The following PLCE1 variants were observed in gnomAD, a reference collection of about 807,000 sequenced individuals.
The protein encoded by PLCE1 is 1-phosphatidylinositol 4,5-bisphosphate phosphodiesterase epsilon-1.
In PLCE1, 119 loss-of-function variants were observed where a neutral mutation model predicts 242.8. The ratio of observed to expected loss-of-function variants is 0.49; its 90% CI spans 0.42 to 0.57. The LOEUF (loss-of-function observed/expected upper bound fraction) is 0.57, where lower values mean the gene tolerates loss of function less well. Among genes scored for constraint, PLCE1 ranks in the 20% least tolerant of loss-of-function variants. The probability of loss-of-function intolerance (pLI) is 0.00; values close to 1 mark genes in which losing one functional copy is unlikely to be tolerated. For missense variants in PLCE1, 2,441 were observed against 2,788.8 expected (o/e 0.88, Z 2.81); for synonymous variants, 945 against 1,017.4 (o/e 0.93, Z 1.35).
intron 2 of PLCE1, among the ~76,000 whole-genome samples, chr10:94,124,985 A>T (rs941428076): frequency 3.3e-5 from 5 of 152,246 alleles, no homozygotes; most frequent in African/African-American, 1.2e-4. Context: ...CAGCAAATAC[A>T]GGTGACAGTA....
At chr10:94,102,023 A>G (rs2045556797) in intron 2 of PLCE1, among the ~76,000 whole-genome samples, 1 of 152,168 alleles carries the variant, frequency 6.6e-6, no homozygotes, top group African/African-American at 2.4e-5. Flanking sequence ...TGAGATTCTG[A>G]CAGGGAATCT....
intron 30 of PLCE1, among the ~76,000 whole-genome samples, chr10:94,323,178 T>C (rs751018845): frequency 9.2e-5 from 14 of 152,206 alleles, no homozygotes; most frequent in Non-Finnish European, 1.8e-4. Flanking sequence ...GGAGGCCTAC[T>C]CTGATCCTCT....
chr10:94,094,237 G>A (rs1035043992), intron 2 of PLCE1, among the ~76,000 whole-genome samples: 1 of 148,990 alleles, frequency 6.7e-6, no homozygotes, highest in African/African-American at 2.6e-5. Flanking sequence ...CACCGCGCCC[G>A]GCCTCGGTAT....
intron 4 of PLCE1, among the ~76,000 whole-genome samples, chr10:94,215,992 G>A (rs2049512319): frequency 6.6e-6 from 1 of 152,170 alleles, no homozygotes; most frequent in East Asian, 1.9e-4. Context: ...ATACATGCCA[G>A]CAGAGTACAT....
chr10:94,265,625 T>C, intron 14 of PLCE1, 22 bp from the exon 15 acceptor site: 2 of 1,235,250 alleles, frequency 1.6e-6, no homozygotes, highest in Admixed American at 1.9e-5. Flanking sequence ...TAAATAACAC[T>C]TTTTTTTTTA....
At chr10:94,160,445 T>C (rs977699462) in intron 3 of PLCE1, among the ~76,000 whole-genome samples, 95 of 152,350 alleles carry the variant, frequency 6.2e-4, no homozygotes, top group African/African-American at 2.3e-3. Context: ...TCATATACTT[T>C]GCCCACTTTT....
At chr10:94,076,655 T>G (rs1031908489) in intron 2 of PLCE1, among the ~76,000 whole-genome samples, 6 of 152,324 alleles carry the variant, frequency 3.9e-5, no homozygotes, top group Middle Eastern at 3.4e-3. Flanking sequence ...TTTTGGAGTG[T>G]ACAGTTGGAG....
intron 3 of PLCE1, chr10:94,137,675 T>C (rs568802753): frequency 6.1e-6 from 1 of 163,024 alleles, no homozygotes; most frequent in South Asian, 1.8e-4. Context: ...AATTGTGTAA[T>C]AGAGTGGAGG....
At chr10:94,054,787 C>T (rs910568119) in intron 2 of PLCE1, among the ~76,000 whole-genome samples, 6 of 152,000 alleles carry the variant, frequency 3.9e-5, no homozygotes, top group East Asian at 1.9e-4. Context: ...CCGAGGCAGG[C>T]GGATCACGAG....
At chr10:94,054,593 A>G (rs2043851020) in intron 2 of PLCE1, among the ~76,000 whole-genome samples, 4 of 152,206 alleles carry the variant, frequency 2.6e-5, no homozygotes, top group Admixed American at 2.0e-4. Context: ...TTCAGGGTTT[A>G]TCTCTTATAG....
intron 2 of PLCE1, among the ~76,000 whole-genome samples, chr10:94,073,954 A>T (rs1448578020): frequency 6.6e-6 from 1 of 152,140 alleles, no homozygotes; most frequent in Non-Finnish European, 1.5e-5. Flanking sequence ...GAGGGATTTG[A>T]TATCTCACTG....
At chr10:94,178,415 C>T (rs539354950) in intron 4 of PLCE1, among the ~76,000 whole-genome samples, 22 of 152,250 alleles carry the variant, frequency 1.4e-4, no homozygotes, top group Admixed American at 7.9e-4. Flanking sequence ...TGTCTTTTCC[C>T]CTCCCCAATT....
Position 94,332,599 on chromosome 10 carries a change from T to C in PLCE1, c.*4656T>C, listed in dbSNP as rs1691581548. The C allele has an allele frequency of 2.0e-5, 3 of 151,270 alleles. No homozygotes were observed. The highest frequency in any genetic ancestry group is 4.4e-5 in the Non-Finnish European group (3 of 67,862). 9.4% of individuals were successfully genotyped at this position (151,270 alleles called of 1,614,324 possible). A position where few individuals can be genotyped will look rare whatever the true frequency, so the allele number is the denominator to read the frequency against. On this transcript the variant is annotated 3_prime_UTR_variant, in exon 33 of 33. Transcript: ENST00000371380. ...TATGTAAGTTAATGCACAAATATAT[T>C]TCCTCAAATTCACATAGGATACTCA...
intron 2 of PLCE1, among the ~76,000 whole-genome samples, chr10:94,052,128 A>G (rs1391106552): frequency 6.6e-6 from 1 of 152,264 alleles, no homozygotes; most frequent in African/African-American, 2.4e-5. Context: ...TTGATTGAAT[A>G]AGGATTGGAG....
intron 2 of PLCE1, among the ~76,000 whole-genome samples, chr10:94,130,023 A>G (rs1185083705): frequency 2.0e-5 from 3 of 152,204 alleles, no homozygotes; most frequent in Non-Finnish European, 4.4e-5. Context: ...CTGCTTTCCA[A>G]GGCACAGGTC....
At chr10:94,176,132 C>T (rs1216638369) in intron 4 of PLCE1, among the ~76,000 whole-genome samples, 1 of 152,160 alleles carries the variant, frequency 6.6e-6, no homozygotes, top group Non-Finnish European at 1.5e-5. Flanking sequence ...GGCATAGCAG[C>T]TCATACCTAT....
intron 2 of PLCE1, chr10:94,088,933 C>CAG (rs2044950583): frequency 1.7e-6 from 1 of 593,810 alleles, no homozygotes. Flanking sequence ...TTATGTTTCA[C>CAG]AGAGGTTTTT....
intron 4 of PLCE1, among the ~76,000 whole-genome samples, chr10:94,190,712 T>TATC (rs1008913538): frequency 1.3e-5 from 2 of 152,360 alleles, no homozygotes; most frequent in African/African-American, 4.8e-5. Flanking sequence ...TTGTGACTAT[T>TATC]ATCATCATCA....
At chr10:94,191,462 C>A (rs1360367824) in intron 4 of PLCE1, among the ~76,000 whole-genome samples, 1 of 151,966 alleles carries the variant, frequency 6.6e-6, no homozygotes, top group African/African-American at 2.4e-5. Context: ...GGCGACATAG[C>A]GAGACCCGGT....
Sources: allele counts gnomAD v4.1 joint callset (sites outside exome capture counted in the v4.1 genomes callset), GRCh38; gene constraint gnomAD v4.1.1; transcripts MANE v1.5; gene names NCBI Gene and HGNC (gene_info 2026-07-23, HGNC 2026-07-21).